Variants in IGSF10 observed in about 807,000 individuals in gnomAD.
IGSF10 encodes the protein calvaria mechanical force protein 608.
IGSF10 carries 126 observed loss-of-function variants against 128.2 expected under a neutral mutation model. The ratio of observed to expected loss-of-function variants is 0.98; its 90% CI spans 0.85 to 1.14. The LOEUF (loss-of-function observed/expected upper bound fraction) is 1.14. IGSF10 is among the 50% of genes most tolerant of loss of function. IGSF10 has a pLI of 0.00. For missense variants in IGSF10, 3,295 were observed against 3,149.8 expected (o/e 1.05, Z -1.10); for synonymous variants, 1,185 against 1,146.2 (o/e 1.03, Z -0.68).
chr3:151,502,835 C>T, the IGSF10 span, among the ~76,000 whole-genome samples: 5 of 151,976 alleles, frequency 3.3e-5, no homozygotes, highest in Non-Finnish European at 2.9e-5. Context: ...TGAGCAAAAA[C>T]TAGAGTGATA....
the IGSF10 span, among the ~76,000 whole-genome samples, chr3:151,611,218 T>C: frequency 6.6e-6 from 1 of 152,218 alleles, no homozygotes; most frequent in African/African-American, 2.4e-5. Flanking sequence ...TTACAAATGA[T>C]AATATCCCAC....
chr3:151,572,654 C>G, the IGSF10 span, among the ~76,000 whole-genome samples: 2 of 151,926 alleles, frequency 1.3e-5, no homozygotes, highest in Admixed American at 1.3e-4. Context: ...TTTTGTTGAG[C>G]TTTTCAAAAA....
the IGSF10 span, among the ~76,000 whole-genome samples, chr3:151,546,471 C>T: frequency 6.6e-6 from 1 of 152,008 alleles, no homozygotes; most frequent in Admixed American, 6.6e-5. Flanking sequence ...CCTCAGCCTC[C>T]TGGGTAGCTG....
chr3:151,560,803 T>G, the IGSF10 span, among the ~76,000 whole-genome samples: 1 of 152,096 alleles, frequency 6.6e-6, no homozygotes, highest in African/African-American at 2.4e-5. Context: ...CTCTGTGGTG[T>G]GTTGTTTGTT....
the IGSF10 span, among the ~76,000 whole-genome samples, chr3:151,466,915 C>A: frequency 6.6e-6 from 1 of 151,848 alleles, no homozygotes; most frequent in Non-Finnish European, 1.5e-5. Context: ...GTTAACCCCA[C>A]TAAAGAGAAC....
chr3:151,439,485 A>G (rs9874403), intron 7 of IGSF10, among the ~76,000 whole-genome samples: 18,473 of 152,202 alleles, frequency 0.12, 1,503 homozygotes, highest in East Asian at 0.39. Flanking sequence ...ATGATGGCAC[A>G]TGCCTGTGAT....
At chr3:151,576,042 C>T in the IGSF10 span, among the ~76,000 whole-genome samples, 1 of 151,942 alleles carries the variant, frequency 6.6e-6, no homozygotes, top group Non-Finnish European at 1.5e-5. Flanking sequence ...GACATCTTTT[C>T]TAATTTTTCC....
At chr3:151,495,838 G>C in the IGSF10 span, among the ~76,000 whole-genome samples, 1 of 152,084 alleles carries the variant, frequency 6.6e-6, no homozygotes, top group African/African-American at 2.4e-5. Flanking sequence ...TTATATATGA[G>C]TGTATTCCTA....
chr3:151,556,568 G>A, the IGSF10 span, among the ~76,000 whole-genome samples: 17 of 152,178 alleles, frequency 1.1e-4, no homozygotes, highest in African/African-American at 3.9e-4. Flanking sequence ...CAGTAGAAGG[G>A]AAAAGAAGAG....
chr3:151,569,140 T>G, the IGSF10 span, among the ~76,000 whole-genome samples: 1 of 152,186 alleles, frequency 6.6e-6, no homozygotes, highest in African/African-American at 2.4e-5. Context: ...GGCAAGATCT[T>G]GACTCACTGC....
chr3:151,498,692 C>A, the IGSF10 span, among the ~76,000 whole-genome samples: 125,140 of 152,050 alleles, frequency 0.82, 51,582 homozygotes, highest in Middle Eastern at 0.93. Flanking sequence ...TACACATCTT[C>A]ATTTTTACTG....
chr3:151,472,458 C>A, the IGSF10 span, among the ~76,000 whole-genome samples: 2 of 152,100 alleles, frequency 1.3e-5, no homozygotes, highest in Admixed American at 6.5e-5. Flanking sequence ...AAGGTGCTAC[C>A]AATGCAGCGG....
the IGSF10 span, among the ~76,000 whole-genome samples, chr3:151,601,359 G>A: frequency 6.6e-6 from 1 of 152,158 alleles, no homozygotes; most frequent in Admixed American, 6.5e-5. Flanking sequence ...AATTCATGCA[G>A]AACAATTGAA....
chr3:151,600,340 C>T, the IGSF10 span, among the ~76,000 whole-genome samples: 1 of 152,114 alleles, frequency 6.6e-6, no homozygotes, highest in Non-Finnish European at 1.5e-5. Flanking sequence ...CCTAGTCCTG[C>T]TTACCAATTC....
the IGSF10 span, among the ~76,000 whole-genome samples, chr3:151,575,981 TTAATA>T: frequency 6.6e-6 from 1 of 152,198 alleles, no homozygotes; most frequent in African/African-American, 2.4e-5. Context: ...GCTAGAGAGT[TTAATA>T]TAATTTTATA....
chr3:151,442,023 T>C (rs997661283), intron 7 of IGSF10, among the ~76,000 whole-genome samples: 4 of 152,244 alleles, frequency 2.6e-5, no homozygotes, highest in Admixed American at 2.6e-4. Flanking sequence ...ATCCTGCCAC[T>C]GCACTCCAGC....
At chr3:151,539,653 G>A in the IGSF10 span, among the ~76,000 whole-genome samples, 2 of 151,924 alleles carry the variant, frequency 1.3e-5, no homozygotes, top group East Asian at 1.9e-4. Context: ...TCTGTAATCC[G>A]ACCACCCCCA....
Position 151,442,525 on chromosome 3 carries a change from G to A in IGSF10, c.5963+459C>T, listed in dbSNP as rs909057899. On this transcript the variant is annotated intron_variant, in intron 7 of 7. Coordinates refer to ENST00000282466, the MANE Select transcript of IGSF10 (RefSeq NM_178822.5). ...CTCCCAAGCAGCTGGGATTACAGGC[G>A]CCCGGCCACCATGCCCGGCTAATTT... Among the ~76,000 whole-genome samples the A allele has an allele frequency of 2.7e-5, 4 of 147,658 alleles. No homozygotes were observed. The East Asian group carries it at 7.9e-4, about 29-fold the overall frequency.
the IGSF10 span, among the ~76,000 whole-genome samples, chr3:151,493,880 G>T: frequency 6.6e-6 from 1 of 151,820 alleles, no homozygotes; most frequent in African/African-American, 2.4e-5. Context: ...AAAACAGATT[G>T]CTAGCCCACA....
Sources: gnomAD v4.1 joint callset for allele counts (sites outside exome capture counted in the v4.1 genomes callset) on GRCh38, gnomAD v4.1.1 for gene constraint, MANE v1.5 for transcripts, NCBI Gene and HGNC (gene_info 2026-07-23, HGNC 2026-07-21) for gene names.